PIK3AP1: variants seen among roughly 807,000 people sequenced by gnomAD.
PIK3AP1 encodes phosphoinositide-3-kinase adaptor protein 1.
In PIK3AP1, 21 loss-of-function variants were observed where a neutral mutation model predicts 88.1. That is an observed-to-expected ratio of 0.24 (90% confidence interval 0.17 to 0.34). PIK3AP1 has a LOEUF of 0.34. Ranked by LOEUF, PIK3AP1 falls within the 10% of genes least tolerant of loss-of-function variation. The probability of loss-of-function intolerance (pLI) is 1.00; values close to 1 mark genes in which losing one functional copy is unlikely to be tolerated. For synonymous variants in PIK3AP1, 398 were observed against 400.0 expected (o/e 1.00, Z 0.06); for missense variants, 828 against 1,035.7 (o/e 0.80, Z 2.75).
At chr10:96,643,809 G>T (rs1843423287) in intron 8 of PIK3AP1, among the ~76,000 whole-genome samples, 1 of 152,156 alleles carries the variant, frequency 6.6e-6, no homozygotes, top group Admixed American at 6.5e-5. Context: ...TGGGCCCAGG[G>T]CCCTACTGTC....
rs192698857 is a variant in PIK3AP1 at position 96,712,049 on chromosome 10, C to G, written c.14-2066G>C. ...AATTACAGGCGTGAGCCACCGCACCCGGCCATATTACCAAATTTTTAAAAA... is the reference window on the plus strand; with the variant it reads ...AATTACAGGCGTGAGCCACCGCACCGGGCCATATTACCAAATTTTTAAAAA... On this transcript the variant is annotated intron_variant, in intron 1 of 16. Coordinates refer to ENST00000339364, the MANE Select transcript of PIK3AP1 (RefSeq NM_152309.3). Among the ~76,000 whole-genome samples, 770 of 152,042 alleles carry G rather than the reference C, an allele frequency of 5.1e-3. 8 individuals carry two copies. Among genetic ancestry groups the G allele is most frequent in the African/African-American group, 0.017 (696 of 41,496 alleles).
chr10:96,645,912 G>A (rs544051315), intron 7 of PIK3AP1, among the ~76,000 whole-genome samples: 3 of 152,080 alleles, frequency 2.0e-5, no homozygotes, highest in Admixed American at 6.6e-5. Flanking sequence ...ACAGAGTTAG[G>A]CACTCAGGAA....
intron 8 of PIK3AP1, 27 bp from the exon 9 acceptor site, chr10:96,628,520 A>T (rs1407202151): frequency 6.4e-7 from 1 of 1,560,184 alleles, no homozygotes; most frequent in African/African-American, 1.4e-5. Flanking sequence ...ACTAAGAGTT[A>T]TATATTGGTC....
chr10:96,666,873 C>T (rs1056682896), intron 2 of PIK3AP1, among the ~76,000 whole-genome samples: 3 of 151,942 alleles, frequency 2.0e-5, no homozygotes, highest in African/African-American at 7.3e-5. Flanking sequence ...AATCCACTCC[C>T]CACCCCCAGG....
intron 1 of PIK3AP1, among the ~76,000 whole-genome samples, chr10:96,711,904 T>A (rs192632934): frequency 6.6e-6 from 1 of 151,214 alleles, no homozygotes; most frequent in Non-Finnish European, 1.5e-5. Context: ...GCGCCCGCCA[T>A]CACGCCCGGC....
intron 13 of PIK3AP1, among the ~76,000 whole-genome samples, chr10:96,612,003 C>T (rs1849119126): frequency 6.6e-6 from 1 of 152,118 alleles, no homozygotes; most frequent in Non-Finnish European, 1.5e-5. Flanking sequence ...AGTGCTTTCC[C>T]AAAGTGCATT....
intron 8 of PIK3AP1, among the ~76,000 whole-genome samples, chr10:96,641,428 G>A (rs1050264451): frequency 6.6e-6 from 1 of 152,162 alleles, no homozygotes; most frequent in Non-Finnish European, 1.5e-5. Flanking sequence ...TGTTTGTCCT[G>A]TGAGCGAATC....
Position 96,696,184 on chromosome 10 carries a change from A to G in PIK3AP1, c.430+13383T>C, listed in dbSNP as rs180895923. On this transcript the variant is annotated intron_variant, in intron 2 of 16. Transcript: ENST00000339364. ...AACCACCATTTACTAGGCATCTACC[A>G]CACATAAAACATTGTCAGTAAGAGA... Among the ~76,000 whole-genome samples the G allele has an allele frequency of 4.5e-3, 683 of 152,332 alleles. 3 individuals carry two copies. Among genetic ancestry groups the G allele is most frequent in the African/African-American group, 0.016 (656 of 41,568 alleles).
At chr10:96,603,671 TACACAC>T (rs10528215) in intron 15 of PIK3AP1, 69,666 of 162,698 alleles carry the variant, frequency 0.43, 15,242 homozygotes, top group Admixed American at 0.56. Flanking sequence ...TACTACTTAA[TACACAC>T]ACACACACAC....
rs1849158721 is a variant in PIK3AP1, at chr10:96,613,243, C to G, written c.2015-3376G>C. 2.0e-5 allele frequency among the ~76,000 whole-genome samples: 3 copies of G among 152,044 alleles called. No individual in the cohort carries two copies. The South Asian group carries it at 6.2e-4, about 32-fold the overall frequency. On this transcript the variant is annotated intron_variant, in intron 13 of 16. Transcript: ENST00000339364. ...CGAACTCCTGGCCTCAAGTGATCCT[C>G]CCACTTCAGCCTCCCAAAGTGCCGG... is the stretch of plus-strand genomic sequence containing the variant.
intron 1 of PIK3AP1, among the ~76,000 whole-genome samples, chr10:96,715,250 C>G (rs1844487009): frequency 6.6e-6 from 1 of 152,080 alleles, no homozygotes; most frequent in South Asian, 2.1e-4. Context: ...AATAACTGAC[C>G]AGTACTCCTC....
At chr10:96,705,884 GTTTTTTTTTTTTT>G (rs964917515) in intron 2 of PIK3AP1, among the ~76,000 whole-genome samples, 5 of 60,968 alleles carry the variant, frequency 8.2e-5, no homozygotes, top group Non-Finnish European at 1.2e-4. Flanking sequence ...CCAGCCAGTT[GTTTTTTTTTTTTT>G]TTTTTTTTTT....
Position 96,620,553 on chromosome 10 carries a change from C to A in PIK3AP1, c.1740G>T (p.Pro580=). ...GCCTGTCCCTCCATGGTCTGACGGG[C>A]GGCCCTGGAAAGGATGGCAAAACTC... The part of the protein sequence containing the change: ...YVSSESIRKG[P]PVRPWRDRPQ... The change falls in exon 12 of 17, where the codon CCG becomes CCT. Residue 580 remains proline (P), a synonymous_variant. Transcript: ENST00000339364. 6.2e-7 allele frequency: 1 copy of A among 1,612,220 alleles called. No individual in the cohort carries two copies. Among genetic ancestry groups the A allele is most frequent in the Non-Finnish European group, 8.5e-7 (1 of 1,179,762 alleles).
In PIK3AP1 at chr10:96,604,110, G is replaced by T. The variant is rs577417897; in HGVS notation, c.2171-61C>A. ...TTCTTTCAGGCTAAAATAAAATAGA[G>T]AACTCTAGAACTTATTTAGTTTTAT... On this transcript the variant is annotated intron_variant, in intron 14 of 16. Coordinates refer to ENST00000339364, the MANE Select transcript of PIK3AP1 (RefSeq NM_152309.3). 56 of 1,302,130 alleles carry T rather than the reference G, an allele frequency of 4.3e-5. No individual in the cohort carries two copies. In the African/African-American group the frequency reaches 6.6e-4, roughly 15 times the overall value. 80.7% of individuals were successfully genotyped at this position (1,302,130 alleles called of 1,614,324 possible). A position where few individuals can be genotyped will look rare whatever the true frequency, so the allele number is the denominator to read the frequency against.
chr10:96,608,592 C>G (rs1362593969), intron 14 of PIK3AP1, among the ~76,000 whole-genome samples: 1 of 152,154 alleles, frequency 6.6e-6, no homozygotes, highest in African/African-American at 2.4e-5. Flanking sequence ...TCACAAATAC[C>G]CCATCTATAA....
chr10:96,639,703 G>A lies in PIK3AP1; in HGVS notation c.1375+5770C>T, dbSNP rs548374694. 6.6e-5 allele frequency among the ~76,000 whole-genome samples: 10 copies of A among 152,268 alleles called. No individual in the cohort carries two copies. In the South Asian group the frequency reaches 1.5e-3, roughly 22 times the overall value. On this transcript the variant is annotated intron_variant, in intron 8 of 16. Coordinates refer to ENST00000339364, the MANE Select transcript of PIK3AP1 (RefSeq NM_152309.3). ...ACTCATGCTGTGCACCCAGGCCCACGGGCCTTGAAGCATCTCTTGGCTCTA... is the reference window on the plus strand; with the variant it reads ...ACTCATGCTGTGCACCCAGGCCCACAGGCCTTGAAGCATCTCTTGGCTCTA...
At chr10:96,691,230 C>G (rs1294044890) in intron 2 of PIK3AP1, among the ~76,000 whole-genome samples, 1 of 152,188 alleles carries the variant, frequency 6.6e-6, no homozygotes, top group Non-Finnish European at 1.5e-5. Context: ...TAACTCCCCA[C>G]TCTCCCCACC....
intron 13 of PIK3AP1, 89 bp downstream of exon 13, chr10:96,616,550 G>T: frequency 7.2e-7 from 1 of 1,384,784 alleles, no homozygotes; most frequent in Non-Finnish European, 1.0e-6. Flanking sequence ...CAAGTGGTCT[G>T]CCCACTCAGG....
intron 2 of PIK3AP1, chr10:96,700,846 C>A: frequency 1.0e-6 from 1 of 985,710 alleles, no homozygotes. Flanking sequence ...GCAACTTCCC[C>A]TTTGCTCAGA....
Sources: gnomAD v4.1 joint callset for allele counts (sites outside exome capture counted in the v4.1 genomes callset) on GRCh38, gnomAD v4.1.1 for gene constraint, MANE v1.5 for transcripts, NCBI Gene and HGNC (gene_info 2026-07-23, HGNC 2026-07-21) for gene names.